PCDH19: variants seen among roughly 807,000 people sequenced by gnomAD.
PCDH19 encodes protocadherin-19.
A neutral mutation model predicts 46.2 loss-of-function variants in PCDH19; 6 were observed. The ratio of observed to expected loss-of-function variants is 0.13; its 90% CI spans 0.07 to 0.26. PCDH19 has a LOEUF of 0.26. Ranked by LOEUF, PCDH19 falls within the 10% of genes least tolerant of loss-of-function variation. The probability of loss-of-function intolerance (pLI) is 1.00; values close to 1 mark genes in which losing one functional copy is unlikely to be tolerated. For missense variants in PCDH19, 740 were observed against 972.3 expected (o/e 0.76, Z 3.18); for synonymous variants, 481 against 415.7 (o/e 1.16, Z -1.91).
rs921906341 is a variant in PCDH19 at position 100,410,146 on chromosome X, G to T, written c.-1549C>A. ...CCGGGCTAGGGACGCGGGTGCCAGT[G>T]CCTCCCGGGCAAGCCAGGCATGGTG... On this transcript the variant is annotated 5_prime_UTR_variant, in exon 1 of 6. Transcript: ENST00000373034. 4.4e-5 allele frequency: 13 copies of T among 295,300 alleles called. No individual in the cohort carries two copies. Among genetic ancestry groups the T allele is most frequent in the Non-Finnish European group, 7.7e-5 (13 of 169,727 alleles). The allele number at this position is 295,300 out of a possible 1,213,427, so 24.3% of individuals were successfully genotyped here.
intron 5 of PCDH19, among the ~76,000 whole-genome samples, chrX:100,339,335 G>A (rs1926187032): frequency 9.0e-6 from 1 of 111,573 alleles, no homozygotes; most frequent in South Asian, 3.8e-4. Flanking sequence ...TTTCAGTACA[G>A]GTCTCAGTCC....
At chrX:100,318,396 C>A (rs1925374962) in intron 5 of PCDH19, among the ~76,000 whole-genome samples, 1 of 112,157 alleles carries the variant, frequency 8.9e-6, no homozygotes, top group Non-Finnish European at 1.9e-5. Context: ...TATTATTATT[C>A]ATCAAGCAGC....
chrX:100,320,313 G>GA (rs1238810251), intron 5 of PCDH19, among the ~76,000 whole-genome samples: 2 of 111,984 alleles, frequency 1.8e-5, no homozygotes, highest in African/African-American at 3.2e-5. Context: ...ATTTACAGAT[G>GA]AAAAAAACTG....
intron 4 of PCDH19, among the ~76,000 whole-genome samples, chrX:100,345,877 A>G (rs1200098852): frequency 8.9e-6 from 1 of 111,962 alleles, no homozygotes; most frequent in Non-Finnish European, 1.9e-5. Context: ...GGATTTGTGT[A>G]AGGCAGTTTA....
intron 3 of PCDH19, among the ~76,000 whole-genome samples, chrX:100,359,196 T>C (rs1926803167): frequency 8.9e-6 from 1 of 112,164 alleles, no homozygotes; most frequent in Non-Finnish European, 1.9e-5. Flanking sequence ...TTTCTGCTAC[T>C]GGGATAGGAA....
intron 5 of PCDH19, among the ~76,000 whole-genome samples, chrX:100,332,635 C>A (rs1372489862): frequency 9.0e-6 from 1 of 111,233 alleles, no homozygotes; most frequent in Non-Finnish European, 1.9e-5. Context: ...AAATACTCTA[C>A]AAATATTTAA....
At chrX:100,318,540 T>A (rs112235922) in intron 5 of PCDH19, among the ~76,000 whole-genome samples, 250 of 112,206 alleles carry the variant, frequency 2.2e-3, no homozygotes, top group Middle Eastern at 4.6e-3. Context: ...TCAGGCTGCA[T>A]TGGTGACCCA....
intron 4 of PCDH19, among the ~76,000 whole-genome samples, chrX:100,348,162 T>C (rs1926468464): frequency 9.0e-6 from 1 of 110,861 alleles, no homozygotes; most frequent in Non-Finnish European, 1.9e-5. Flanking sequence ...AAACAGGGAC[T>C]TGATAGTAAA....
rs774934677 is a variant in PCDH19 at position 100,409,967 on chromosome X, T to TGA, written c.-1372_-1371dup. ...CTGTCTCGGGCTGTGTGTGAATGTG[T>TGA]GAGAGAGAGAGGAAGAGTGAGTGTG... On this transcript the variant is annotated 5_prime_UTR_variant, in exon 1 of 6. Coordinates refer to ENST00000373034, the MANE Select transcript of PCDH19 (RefSeq NM_001184880.2). 92 of 299,276 alleles carry TGA rather than the reference T, an allele frequency of 3.1e-4. No homozygotes were observed. In the East Asian group the frequency reaches 4.4e-3, roughly 14 times the overall value. The allele number at this position is 299,276 out of a possible 1,213,427, so 24.7% of individuals were successfully genotyped here.
intron 5 of PCDH19, among the ~76,000 whole-genome samples, chrX:100,330,800 T>C (rs180802111): frequency 3.3e-4 from 37 of 111,766 alleles, no homozygotes; most frequent in African/African-American, 1.1e-3. Flanking sequence ...TTAAAATGAG[T>C]ATTACTAAGG....
chrX:100,313,914 A>C (rs1044562464), intron 5 of PCDH19, among the ~76,000 whole-genome samples: 16 of 104,323 alleles, frequency 1.5e-4, no homozygotes, highest in Non-Finnish European at 3.1e-4. Context: ...CACAAAGTCT[A>C]TACAGAATTG....
intron 5 of PCDH19, among the ~76,000 whole-genome samples, chrX:100,322,583 T>C (rs1453875438): frequency 9.3e-6 from 1 of 107,552 alleles, no homozygotes; most frequent in Non-Finnish European, 1.9e-5. Flanking sequence ...ACGCAGGCTC[T>C]TTTTTGGTTT....
intron 5 of PCDH19, among the ~76,000 whole-genome samples, chrX:100,327,633 A>AT (rs1253449252): frequency 2.7e-5 from 3 of 111,956 alleles, no homozygotes; most frequent in Non-Finnish European, 5.6e-5. Context: ...GGAAATCTGG[A>AT]TTATACCCCT....
intron 3 of PCDH19, among the ~76,000 whole-genome samples, chrX:100,355,785 G>T (rs1454980174): frequency 9.0e-6 from 1 of 111,258 alleles, no homozygotes; most frequent in Admixed American, 9.6e-5. Flanking sequence ...TTGGGTGGGG[G>T]ATATGTTATT....
intron 3 of PCDH19, among the ~76,000 whole-genome samples, chrX:100,371,301 T>C (rs1463888104): frequency 9.0e-6 from 1 of 111,680 alleles, no homozygotes; most frequent in African/African-American, 3.3e-5. Flanking sequence ...ATGTAGTATG[T>C]GTTAGTACTT....
At chrX:100,394,883 A>ATTTTTTT (rs139332001) in intron 3 of PCDH19, among the ~76,000 whole-genome samples, 1 of 71,577 alleles carries the variant, frequency 1.4e-5, no homozygotes, top group Non-Finnish European at 2.6e-5. Flanking sequence ...GAGGAATCTA[A>ATTTTTTT]TTTTTTTTTT....
intron 5 of PCDH19, among the ~76,000 whole-genome samples, chrX:100,323,336 C>A (rs1405143554): frequency 9.0e-6 from 1 of 111,576 alleles, no homozygotes; most frequent in Non-Finnish European, 1.9e-5. Context: ...TAAGCAACAT[C>A]TCTTCCAAAC....
At chrX:100,303,743 T>G (rs1924857690) in intron 5 of PCDH19, among the ~76,000 whole-genome samples, 1 of 111,709 alleles carries the variant, frequency 9.0e-6, no homozygotes, top group Non-Finnish European at 1.9e-5. Context: ...TTCCCTTTTT[T>G]TCAGCAATTT....
chrX:100,341,989 A>G lies in PCDH19; in HGVS notation c.2762T>C (p.Val921Ala). Residue 921 changes from valine to alanine, a missense_variant, in exon 5 of 6, where the codon GTC becomes GCC. This residue lies in a region of PCDH19 where 416 missense variants were observed against 476.8 expected (regional missense o/e 0.87). Coordinates refer to ENST00000373034, the MANE Select transcript of PCDH19 (RefSeq NM_001184880.2). ...ESDQTDSEHD[V>A]QRSLYCDTAV... is the part of the protein sequence containing the mutation. Reference sequence around the variant, plus strand: ...AGTATCACAATACAGGCTCCGCTGGACATCATGCTCACTGTCAGTTTGGTC... The same window carrying G: ...AGTATCACAATACAGGCTCCGCTGGGCATCATGCTCACTGTCAGTTTGGTC... 8.3e-7 allele frequency: 1 copy of G among 1,208,453 alleles called. No homozygotes were observed. Among genetic ancestry groups the G allele is most frequent in the East Asian group, 3.0e-5 (1 of 33,825 alleles).
Sources: gnomAD v4.1 joint callset for allele counts (sites outside exome capture counted in the v4.1 genomes callset) on GRCh38, gnomAD v4.1.1 for gene constraint, gnomAD v4.1.1 regional missense constraint, MANE v1.5 for transcripts, NCBI Gene and HGNC (gene_info 2026-07-23, HGNC 2026-07-21) for gene names.